The following NLK variants were observed in gnomAD, a reference collection of about 807,000 sequenced individuals.
NLK encodes nemo like kinase.
Under a neutral mutation model 59.0 loss-of-function variants are expected in NLK, and 11 were observed. The observed-to-expected ratio is 0.19, with a 90% CI of 0.12 to 0.31. The LOEUF (loss-of-function observed/expected upper bound fraction) is 0.31. Ranked by LOEUF, NLK falls within the 10% of genes least tolerant of loss-of-function variation. The pLI is 1.00. For missense variants in NLK, 410 were observed against 661.1 expected, an observed-to-expected ratio of 0.62 and a Z score of 4.16; for synonymous variants, 235 against 235.9, an observed-to-expected ratio of 1.00 and a Z score of 0.03.
chr17:28,091,919 AT>A (rs945132977), intron 1 of NLK, among the ~76,000 whole-genome samples: 4 of 151,632 alleles, frequency 2.6e-5, no homozygotes, highest in African/African-American at 4.8e-5. Flanking sequence ...CTGGCATCTG[AT>A]TTTTTTTTCT....
chr17:28,121,589 G>A (rs909572837), intron 1 of NLK, among the ~76,000 whole-genome samples: 5 of 119,284 alleles, frequency 4.2e-5, no homozygotes, highest in South Asian at 5.8e-4. Flanking sequence ...TGCAACCTCC[G>A]CCTCCAGGTT....
At chr17:28,117,284 G>T (rs1427361538) in intron 1 of NLK, among the ~76,000 whole-genome samples, 3 of 152,162 alleles carry the variant, frequency 2.0e-5, no homozygotes, top group Non-Finnish European at 4.4e-5. Context: ...AGCATAAAAT[G>T]ATTTTCAGCT....
chr17:28,087,825 A>C (rs1910564213), intron 1 of NLK, among the ~76,000 whole-genome samples: 2 of 151,110 alleles, frequency 1.3e-5, no homozygotes, highest in Admixed American at 6.6e-5. Flanking sequence ...GGTCCTGTGA[A>C]TCTGTAACCC....
chr17:28,142,977 C>T (rs1907072204), intron 3 of NLK, among the ~76,000 whole-genome samples: 1 of 151,720 alleles, frequency 6.6e-6, no homozygotes, highest in African/African-American at 2.4e-5. Context: ...ACCAAATTTA[C>T]TATGTCTTTT....
chr17:28,087,872 G>A (rs944888090), intron 1 of NLK, among the ~76,000 whole-genome samples: 1 of 151,808 alleles, frequency 6.6e-6, no homozygotes, highest in African/African-American at 2.4e-5. Flanking sequence ...CACCTCTTTG[G>A]TGTCATCATG....
intron 1 of NLK, among the ~76,000 whole-genome samples, chr17:28,078,228 A>G (rs1267371402): frequency 1.3e-5 from 2 of 152,174 alleles, no homozygotes; most frequent in African/African-American, 4.8e-5. Flanking sequence ...CAGTAGGAGG[A>G]AATTAAAATT....
Position 28,070,065 on chromosome 17 carries a change from G to A in NLK, c.458+26734G>A, listed in dbSNP as rs1165520494. On this transcript the variant is annotated intron_variant, in intron 1 of 10. Transcript: ENST00000407008. Reference sequence around the variant, plus strand: ...AGCCTGGCCAACATGGTGAAACCCTGTCTCTACTAAAATTAGAAAAATTAG... The same window carrying A: ...AGCCTGGCCAACATGGTGAAACCCTATCTCTACTAAAATTAGAAAAATTAG... Among the ~76,000 whole-genome samples, 20 of 151,888 alleles carry A rather than the reference G, an allele frequency of 1.3e-4. 1 individual carries two copies. Among genetic ancestry groups the A allele is most frequent in the Admixed American group, 1.3e-3 (20 of 15,248 alleles).
At chr17:28,063,350 G>A (rs1909729533) in intron 1 of NLK, among the ~76,000 whole-genome samples, 1 of 152,186 alleles carries the variant, frequency 6.6e-6, no homozygotes, top group African/African-American at 2.4e-5. Flanking sequence ...CTCAATGTTG[G>A]ATACTTCAGT....
intron 3 of NLK, 89 bp downstream of exon 3, chr17:28,132,764 AT>A: frequency 5.6e-6 from 6 of 1,079,290 alleles, no homozygotes; most frequent in Non-Finnish European, 8.3e-6. Flanking sequence ...GCCTTCAAGT[AT>A]TTTAAATCTC....
chr17:28,129,298 C>A (rs980886077), intron 2 of NLK, among the ~76,000 whole-genome samples: 1 of 151,984 alleles, frequency 6.6e-6, no homozygotes, highest in African/African-American at 2.4e-5. Context: ...ACTAAAAATA[C>A]AAAAGTTAGC....
rs933876576 is a variant in NLK at position 28,163,442 on chromosome 17, C to A, written c.752-101C>A. ...GTTCATTATGCAGTTATTTAGGGAA[C>A]AATTTTAAATCCTCTACTGTTTTCT... On this transcript the variant is annotated intron_variant, in intron 4 of 10. Transcript: ENST00000407008. The A allele has an allele frequency of 1.5e-5, 10 of 672,568 alleles. No homozygotes were observed. The African/African-American group carries it at 1.7e-4, about 11-fold the overall frequency. The allele number at this position is 672,568 out of a possible 1,614,324, so 41.7% of individuals were successfully genotyped here.
At chr17:28,149,424 C>T (rs74492974) in intron 3 of NLK, among the ~76,000 whole-genome samples, 7,590 of 152,178 alleles carry the variant, frequency 0.05, 621 homozygotes, top group African/African-American at 0.17. Flanking sequence ...ATGTGTTTTT[C>T]ATACAGTATA....
downstream of NLK, among the ~76,000 whole-genome samples, chr17:28,198,540 G>A (rs915128481): frequency 6.6e-6 from 1 of 152,074 alleles, no homozygotes; most frequent in Admixed American, 6.6e-5. Context: ...GGCCAGGCTG[G>A]TGTCGAACTC....
chr17:28,056,595 G>A, intron 1 of NLK, among the ~76,000 whole-genome samples: 1 of 152,148 alleles, frequency 6.6e-6, no homozygotes, highest in East Asian at 1.9e-4. Context: ...ATTTTGTGTG[G>A]GCCAGTGACT....
At chr17:28,047,533 T>G (rs1160222760) in intron 1 of NLK, among the ~76,000 whole-genome samples, 1 of 152,222 alleles carries the variant, frequency 6.6e-6, no homozygotes, top group Non-Finnish European at 1.5e-5. Context: ...ATTTATATAC[T>G]GGGAAATTAA....
chr17:28,048,128 G>A lies in NLK; in HGVS notation c.458+4797G>A, dbSNP rs1909125308. 4 of 392,174 alleles carry A rather than the reference G, an allele frequency of 1.0e-5. No individual in the cohort carries two copies. In the East Asian group the frequency reaches 1.4e-4, roughly 14 times the overall value. The allele number at this position is 392,174 out of a possible 1,614,324, so 24.3% of individuals were successfully genotyped here. A position where few individuals can be genotyped will look rare whatever the true frequency, so the allele number is the denominator to read the frequency against. ...TGTATTGTTAATTTTAACTACAAAC[G>A]AACTTACTTTTGGAAATTACAGGTT... On this transcript the variant is annotated intron_variant, in intron 1 of 10. Coordinates refer to ENST00000407008, the MANE Select transcript of NLK (RefSeq NM_016231.5).
intron 8 of NLK, among the ~76,000 whole-genome samples, chr17:28,186,427 G>A (rs1479282780): frequency 2.0e-5 from 3 of 152,086 alleles, no homozygotes; most frequent in Non-Finnish European, 4.4e-5. Flanking sequence ...GTTTATTTTG[G>A]TGTTTTTTGC....
At chr17:28,071,159 C>G (rs1370238793) in intron 1 of NLK, among the ~76,000 whole-genome samples, 2 of 152,178 alleles carry the variant, frequency 1.3e-5, no homozygotes, top group Non-Finnish European at 2.9e-5. Flanking sequence ...CCAAATGTCC[C>G]CTAGGGAACA....
downstream of NLK, among the ~76,000 whole-genome samples, chr17:28,201,197 C>T (rs1045458519): frequency 2.0e-5 from 3 of 152,132 alleles, no homozygotes; most frequent in Non-Finnish European, 2.9e-5. Flanking sequence ...TCTCATGCCT[C>T]AGCCTCCCGA....
Sources: gnomAD v4.1 joint callset for allele counts (sites outside exome capture counted in the v4.1 genomes callset) on GRCh38, gnomAD v4.1.1 for gene constraint, MANE v1.5 for transcripts, NCBI Gene and HGNC (gene_info 2026-07-23, HGNC 2026-07-21) for gene names.